Variants in BEND7 observed in about 807,000 individuals in gnomAD.
The protein encoded by BEND7 is BEN domain-containing protein 7.
In BEND7, 28 loss-of-function variants were observed where a neutral mutation model predicts 50.9. The ratio of observed to expected loss-of-function variants is 0.55; its 90% CI spans 0.41 to 0.75. BEND7 has a LOEUF of 0.75. BEND7 is among the 30% of genes least tolerant of loss of function. The pLI, the probability that BEND7 is intolerant of heterozygous loss-of-function variation, is 0.00. For missense variants in BEND7, 477 were observed against 491.3 expected (o/e 0.97, Z 0.28); for synonymous variants, 170 against 183.9 (o/e 0.92, Z 0.61).
chr10:13,499,681 G>T, intron 3 of BEND7, 97 bp downstream of exon 3: 1 of 1,329,836 alleles, frequency 7.5e-7, no homozygotes, highest in Non-Finnish European at 9.9e-7. Context: ...GTAATTATGG[G>T]AGGGTTTAAT....
chr10:13,528,213 C>T (rs1359361609), intron 1 of BEND7, among the ~76,000 whole-genome samples: 3 of 151,854 alleles, frequency 2.0e-5, no homozygotes, highest in Non-Finnish European at 4.4e-5. Context: ...AGGGCTCGGG[C>T]CCCCCGGTGT....
rs1409887848 is a variant in BEND7 at position 13,444,798 on chromosome 10, G to A, written c.1234+2468C>T. On this transcript the variant is annotated intron_variant, in intron 8 of 8. Coordinates refer to ENST00000466271, the MANE Select transcript of BEND7 (RefSeq NM_001369863.1). ...TTAATATTATTACTGCAAAATTTGA[G>A]CATCAATCTGAGACTTCTTTTCCTT... 2.0e-5 allele frequency: 3 copies of A among 152,324 alleles called. No homozygotes were observed. In the East Asian group the frequency reaches 5.8e-4, roughly 29 times the overall value. The allele number at this position is 152,324 out of a possible 1,614,324, so 9.4% of individuals were successfully genotyped here.
chr10:13,460,400 G>C (rs4750362), intron 6 of BEND7, among the ~76,000 whole-genome samples: 14,551 of 152,258 alleles, frequency 0.096, 734 homozygotes, highest in Admixed American at 0.13. Context: ...TTCTAGAAGA[G>C]AGCATTTTAA....
At chr10:13,494,198 C>T (rs1464558525) in intron 4 of BEND7, among the ~76,000 whole-genome samples, 1 of 152,140 alleles carries the variant, frequency 6.6e-6, no homozygotes, top group African/African-American at 2.4e-5. Flanking sequence ...GTGGGCGGAT[C>T]ACGAGGTCAA....
At chr10:13,483,674 G>A (rs144363873) in intron 5 of BEND7, among the ~76,000 whole-genome samples, 1 of 152,170 alleles carries the variant, frequency 6.6e-6, no homozygotes, top group African/African-American at 2.4e-5. Flanking sequence ...CCTACTCACT[G>A]AGCCCCCTCC....
intron 5 of BEND7, among the ~76,000 whole-genome samples, chr10:13,483,146 G>A (rs935114829): frequency 3.3e-5 from 5 of 152,116 alleles, no homozygotes; most frequent in African/African-American, 1.2e-4. Context: ...TGGCAAGAGA[G>A]GAAGGGGAAG....
chr10:13,515,744 A>T (rs887314404), intron 2 of BEND7, among the ~76,000 whole-genome samples: 1 of 152,136 alleles, frequency 6.6e-6, no homozygotes, highest in African/African-American at 2.4e-5. Flanking sequence ...GAGACAATGG[A>T]CGAGGGTGGT....
downstream of BEND7, among the ~76,000 whole-genome samples, chr10:13,440,843 T>C (rs908302462): frequency 5.9e-5 from 9 of 152,224 alleles, no homozygotes; most frequent in African/African-American, 2.2e-4. Context: ...AACGCTCAAG[T>C]GTTTCTGTGG....
chr10:13,517,698 C>T (rs180937141), intron 2 of BEND7, among the ~76,000 whole-genome samples: 91 of 152,280 alleles, frequency 6.0e-4, no homozygotes, highest in African/African-American at 2.1e-3. Flanking sequence ...AAGCTATGAT[C>T]ACACCACTGC....
intron 2 of BEND7, among the ~76,000 whole-genome samples, chr10:13,505,079 C>T (rs182792154): frequency 3.3e-5 from 5 of 152,346 alleles, no homozygotes; most frequent in South Asian, 2.1e-4. Context: ...GAGAGTGCAG[C>T]GAATGCTCAT....
At chr10:13,487,276 G>GT (rs2076286902) in intron 5 of BEND7, among the ~76,000 whole-genome samples, 1 of 152,088 alleles carries the variant, frequency 6.6e-6, no homozygotes. Flanking sequence ...GAAGTAACTT[G>GT]TTTAAGATTA....
intron 4 of BEND7, 94 bp downstream of exon 4, chr10:13,496,672 A>G (rs984998540): frequency 4.4e-5 from 61 of 1,396,222 alleles, no homozygotes; most frequent in Non-Finnish European, 5.6e-5. Flanking sequence ...AGGTGAGAAG[A>G]AGGCTTTAAT....
chr10:13,517,853 G>A (rs545434206), intron 2 of BEND7, among the ~76,000 whole-genome samples: 1 of 151,166 alleles, frequency 6.6e-6, no homozygotes. Flanking sequence ...TCAGGTTTCT[G>A]CCCTTCGCCA....
chr10:13,477,657 T>C (rs1480630975), intron 6 of BEND7, among the ~76,000 whole-genome samples: 2 of 152,238 alleles, frequency 1.3e-5, no homozygotes, highest in African/African-American at 4.8e-5. Flanking sequence ...TTATATTCAA[T>C]TTTGGTTTCT....
intron 2 of BEND7, among the ~76,000 whole-genome samples, chr10:13,505,875 T>G (rs1328590764): frequency 2.0e-5 from 3 of 152,166 alleles, no homozygotes; most frequent in African/African-American, 7.2e-5. Context: ...CCATAAACCT[T>G]TCTTAAGTAA....
At chr10:13,464,271 G>A (rs930007570) in intron 6 of BEND7, among the ~76,000 whole-genome samples, 1 of 152,210 alleles carries the variant, frequency 6.6e-6, no homozygotes, top group Non-Finnish European at 1.5e-5. Flanking sequence ...TGTCTCTTAC[G>A]AGAAGCCTGG....
chr10:13,509,198 A>C (rs2078107766), intron 2 of BEND7, among the ~76,000 whole-genome samples: 2 of 152,224 alleles, frequency 1.3e-5, no homozygotes, highest in South Asian at 4.1e-4. Context: ...ACAGAGTCCT[A>C]GGAGGGGAAT....
intron 6 of BEND7, among the ~76,000 whole-genome samples, chr10:13,467,252 G>C (rs1205356798): frequency 6.6e-6 from 1 of 152,216 alleles, no homozygotes; most frequent in Non-Finnish European, 1.5e-5. Context: ...CAGGCACCAA[G>C]TTGCTAGGAC....
In BEND7 at chr10:13,492,693, G is replaced by T; in HGVS notation, c.755C>A (p.Ala252Asp). ...GGAGGTGTGCTCGGCTGCCTGGAGA[G>T]CAGATAGCTCAGAGGCCACCACCGA... ...KKSVVASELS[A>D]LQAAEHTSPE... Residue 252 changes from alanine to aspartate, a missense_variant, in exon 5 of 9, where the codon GCT becomes GAT. This residue lies in a region of BEND7 where 396 missense variants were observed against 384.2 expected (regional missense o/e 1.03). Transcript: ENST00000466271. 1 of 1,614,232 alleles carries T rather than the reference G, an allele frequency of 6.2e-7. No individual in the cohort carries two copies. The highest frequency in any genetic ancestry group is 8.5e-7 in the Non-Finnish European group (1 of 1,180,044).
Sources: gnomAD v4.1 joint callset for allele counts (sites outside exome capture counted in the v4.1 genomes callset) on GRCh38, gnomAD v4.1.1 for gene constraint, gnomAD v4.1.1 regional missense constraint, MANE v1.5 for transcripts, NCBI Gene and HGNC (gene_info 2026-07-23, HGNC 2026-07-21) for gene names.